MCTP2: variants seen among roughly 807,000 people sequenced by gnomAD.
MCTP2 encodes the protein multiple C2 and transmembrane domain containing 2, also known as multiple C2 and transmembrane domain-containing protein 2.
A neutral mutation model predicts 111.6 loss-of-function variants in MCTP2; 132 were observed. That is an observed-to-expected ratio of 1.18 (90% CI 1.03 to 1.37). The LOEUF (loss-of-function observed/expected upper bound fraction) is 1.37, where lower values mean the gene tolerates loss of function less well. Among genes scored for constraint, MCTP2 ranks in the 40% most tolerant of loss-of-function variants. The probability of loss-of-function intolerance (pLI) is 0.00; values close to 1 mark genes in which losing one functional copy is unlikely to be tolerated. For synonymous variants in MCTP2, 395 were observed against 387.7 expected (o/e 1.02, Z -0.22); for missense variants, 1,183 against 1,067.9 (o/e 1.11, Z -1.50).
rs1301760729 is a variant in MCTP2 at position 94,302,979 on chromosome 15, A to G, written c.465+4249A>G. On this transcript the variant is annotated intron_variant, in intron 2 of 22. Transcript: ENST00000357742. Reference sequence around the variant, plus strand: ...CAAGGAGGAGCAAGTCATGTCTTACATGGATGGCAGCCAGCAAAGGGAGAG... The same window carrying G: ...CAAGGAGGAGCAAGTCATGTCTTACGTGGATGGCAGCCAGCAAAGGGAGAG... Among the ~76,000 whole-genome samples, 3 of 151,476 alleles carry G rather than the reference A, an allele frequency of 2.0e-5. No individual in the cohort carries two copies. The East Asian group carries it at 5.8e-4, about 29-fold the overall frequency.
At chr15:94,379,921 A>G (rs1423302122) in intron 12 of MCTP2, among the ~76,000 whole-genome samples, 1 of 147,474 alleles carries the variant, frequency 6.8e-6, no homozygotes, top group South Asian at 2.1e-4. Context: ...AATATAATAT[A>G]TATAATATAT....
chr15:94,306,508 A>G (rs1049910470), intron 2 of MCTP2, among the ~76,000 whole-genome samples: 9 of 152,212 alleles, frequency 5.9e-5, no homozygotes, highest in Non-Finnish European at 1.0e-4. Context: ...TGGAAGTACA[A>G]TTCTGCAAAT....
chr15:94,340,941 A>C lies in MCTP2; in HGVS notation c.969+17A>C. On this transcript the variant is annotated intron_variant, in intron 7 of 22. Transcript: ENST00000357742. The stretch of plus-strand genomic sequence containing the variant: ...AAGAGACACGTAAGTGGGACCTTCT[A>C]TTCTTTTGAAACCTCTCATTTTGTC... The C allele has an allele frequency of 4.7e-6, 7 of 1,487,550 alleles. No individual in the cohort carries two copies. Among genetic ancestry groups the C allele is most frequent in the Non-Finnish European group, 6.6e-6 (7 of 1,065,304 alleles). The allele number at this position is 1,487,550 out of a possible 1,614,324, so 92.1% of individuals were successfully genotyped here. A position where few individuals can be genotyped will look rare whatever the true frequency, so the allele number is the denominator to read the frequency against.
At chr15:94,254,753 A>T (rs1056094598) in intron 1 of MCTP2, among the ~76,000 whole-genome samples, 3 of 152,216 alleles carry the variant, frequency 2.0e-5, no homozygotes, top group African/African-American at 7.2e-5. Context: ...TGAATAAATG[A>T]ATTTAAATTT....
intron 19 of MCTP2, 33 bp from the exon 20 acceptor site, chr15:94,458,103 TA>T (rs761925000): frequency 1.7e-6 from 2 of 1,179,764 alleles, no homozygotes; most frequent in Non-Finnish European, 2.5e-6. Flanking sequence ...AAAAATGAAG[TA>T]ACTGAGTTAA....
At chr15:94,423,014 TA>T (rs1283940521) in intron 17 of MCTP2, among the ~76,000 whole-genome samples, 1 of 152,166 alleles carries the variant, frequency 6.6e-6, no homozygotes, top group African/African-American at 2.4e-5. Context: ...TAGTCTTACC[TA>T]AGCACTTTCA....
In MCTP2 at chr15:94,384,010, T is replaced by C. The variant is rs774728723; in HGVS notation, c.1583-12T>C. The stretch of plus-strand genomic sequence containing the variant: ...CACTTGTCTTTGACCGATGTGTATG[T>C]TATCTTTCCAGGGAAGAGTGACCCA... On this transcript the variant is annotated splice_polypyrimidine_tract_variant and intron_variant, in intron 12 of 22. Transcript: ENST00000357742. 5 of 1,589,610 alleles carry C rather than the reference T, an allele frequency of 3.1e-6. No homozygotes were observed. The African/African-American group carries it at 6.7e-5, about 21-fold the overall frequency.
intron 1 of MCTP2, among the ~76,000 whole-genome samples, chr15:94,277,563 A>G (rs2074276477): frequency 6.6e-6 from 1 of 152,196 alleles, no homozygotes; most frequent in Admixed American, 6.5e-5. Flanking sequence ...GAAGTAAGTT[A>G]GTCTGAAAAG....
chr15:94,240,723 T>G (rs1401958769), intron 1 of MCTP2, among the ~76,000 whole-genome samples: 1 of 152,178 alleles, frequency 6.6e-6, no homozygotes, highest in Non-Finnish European at 1.5e-5. Flanking sequence ...TCTGGAAAAG[T>G]CTCTATCCTT....
intron 11 of MCTP2, among the ~76,000 whole-genome samples, chr15:94,368,673 T>G (rs1340616776): frequency 6.6e-6 from 1 of 152,220 alleles, no homozygotes; most frequent in Admixed American, 6.5e-5. Flanking sequence ...CATGTGAGGC[T>G]GGCATACTGT....
intron 21 of MCTP2, among the ~76,000 whole-genome samples, chr15:94,470,643 C>T (rs1205191621): frequency 1.3e-5 from 2 of 152,200 alleles, no homozygotes; most frequent in Admixed American, 6.5e-5. Flanking sequence ...TATTTATAGG[C>T]CTCTTGCATA....
chr15:94,328,330 G>A (rs981841977), intron 4 of MCTP2, among the ~76,000 whole-genome samples: 23 of 151,846 alleles, frequency 1.5e-4, no homozygotes, highest in African/African-American at 2.2e-4. Context: ...GGGTTTCACT[G>A]TGTTAGCCAG....
intron 1 of MCTP2, among the ~76,000 whole-genome samples, chr15:94,270,255 G>C (rs945596854): frequency 6.6e-6 from 1 of 152,174 alleles, no homozygotes; most frequent in African/African-American, 2.4e-5. Flanking sequence ...CACTGAGATA[G>C]AGAGGCTTCA....
intron 4 of MCTP2, among the ~76,000 whole-genome samples, chr15:94,334,851 T>C (rs943668723): frequency 1.3e-5 from 2 of 152,208 alleles, no homozygotes; most frequent in South Asian, 4.1e-4. Flanking sequence ...TCCAGCCTGT[T>C]ATTTGTCTGT....
intron 19 of MCTP2, among the ~76,000 whole-genome samples, chr15:94,452,649 A>G (rs1415587313): frequency 1.3e-5 from 2 of 152,228 alleles, no homozygotes; most frequent in Non-Finnish European, 2.9e-5. Context: ...ACACAGGATC[A>G]GATAAAACAG....
intron 4 of MCTP2, among the ~76,000 whole-genome samples, chr15:94,334,400 C>T (rs114773838): frequency 0.013 from 1,933 of 152,306 alleles, 33 homozygotes; most frequent in African/African-American, 0.042. Flanking sequence ...TTAGGCACCT[C>T]TGGGCATTAA....
chr15:94,416,593 GC>G (rs1460228604), intron 17 of MCTP2, among the ~76,000 whole-genome samples: 1 of 152,030 alleles, frequency 6.6e-6, no homozygotes, highest in Non-Finnish European at 1.5e-5. Context: ...CAAAAATCTG[GC>G]CCACATGAAG....
intron 4 of MCTP2, among the ~76,000 whole-genome samples, chr15:94,332,789 C>G (rs2077187799): frequency 6.6e-6 from 1 of 152,174 alleles, no homozygotes; most frequent in Admixed American, 6.5e-5. Flanking sequence ...TAAGCTTTTC[C>G]TACAAATAAT....
intron 1 of MCTP2, among the ~76,000 whole-genome samples, chr15:94,296,565 T>C (rs2075285776): frequency 2.0e-5 from 3 of 152,228 alleles, no homozygotes; most frequent in African/African-American, 7.2e-5. Flanking sequence ...AACTCTTACA[T>C]AACTTGATTA....
Sources: gnomAD v4.1 joint callset for allele counts (sites outside exome capture counted in the v4.1 genomes callset) on GRCh38, gnomAD v4.1.1 for gene constraint, MANE v1.5 for transcripts, NCBI Gene and HGNC (gene_info 2026-07-23, HGNC 2026-07-21) for gene names.